The following PSMA3 variants were observed in gnomAD, a reference collection of about 807,000 sequenced individuals.
PSMA3 encodes the protein proteasome subunit alpha type-3.
Under a neutral mutation model 40.0 loss-of-function variants are expected in PSMA3, and 8 were observed. The ratio of observed to expected loss-of-function variants is 0.20; its 90% CI spans 0.12 to 0.36. The LOEUF is 0.36. Ranked by LOEUF, PSMA3 falls within the 10% of genes least tolerant of loss-of-function variation. The pLI is 1.00. For missense variants in PSMA3, 219 were observed against 310.6 expected, an observed-to-expected ratio of 0.70 and a Z score of 2.22; for synonymous variants, 110 against 100.0, an observed-to-expected ratio of 1.10 and a Z score of -0.59.
chr14:58,254,330 A>C (rs1275637554), intron 3 of PSMA3, among the ~76,000 whole-genome samples: 1 of 104,916 alleles, frequency 9.5e-6, no homozygotes, highest in Non-Finnish European at 1.9e-5. Context: ...AAAATTATGC[A>C]TGCATATATA....
Position 58,257,968 on chromosome 14 carries a change from T to C in PSMA3, c.374T>C (p.Leu125Pro), listed in dbSNP as rs747505469. 1 of 1,613,970 alleles carries C rather than the reference T, an allele frequency of 6.2e-7. No homozygotes were observed. Among genetic ancestry groups the C allele is most frequent in the Non-Finnish European group, 8.5e-7 (1 of 1,179,820 alleles). ...GCCATGTATGTGCATGCATATACACTCTACAGTGCTGTTAGACCTTTTGGC... is the reference window on the plus strand; with the variant it reads ...GCCATGTATGTGCATGCATATACACCCTACAGTGCTGTTAGACCTTTTGGC... ...RVAMYVHAYT[L>P]YSAVRPFGCS... is the part of the protein sequence containing the mutation. The change falls in exon 5 of 11, where the codon CTC (leucine) becomes CCC (proline). Residue 125 changes from leucine to proline, a missense_variant. By Grantham distance (98) the Leu-to-Pro change is moderately conservative (BLOSUM62 -3). Transcript: ENST00000216455.
intron 5 of PSMA3, among the ~76,000 whole-genome samples, chr14:58,260,497 A>G (rs1300986931): frequency 1.3e-5 from 2 of 152,240 alleles, no homozygotes; most frequent in Non-Finnish European, 2.9e-5. Flanking sequence ...AGCACAGAAA[A>G]ATACACTGAA....
At chr14:58,258,107 A>T (rs1477102985) in intron 5 of PSMA3, 109 bp downstream of exon 5, 1 of 826,584 alleles carries the variant, frequency 1.2e-6, no homozygotes, top group African/African-American at 1.7e-5. Flanking sequence ...CTCGTCGATA[A>T]GTATTAGGGC....
intron 5 of PSMA3, among the ~76,000 whole-genome samples, chr14:58,259,530 G>T (rs1294805718): frequency 6.6e-6 from 1 of 152,096 alleles, no homozygotes; most frequent in East Asian, 1.9e-4. Flanking sequence ...GGCCAGGCTG[G>T]TCTCAAACTC....
At chr14:58,247,615 C>T (rs1889909276) in intron 1 of PSMA3, 135 bp from the exon 2 acceptor site, 1 of 589,212 alleles carries the variant, frequency 1.7e-6, no homozygotes, top group African/African-American at 1.9e-5. Context: ...TGACAAGTTT[C>T]CCTTTCCTCT....
chr14:58,263,454 G>T, intron 6 of PSMA3: 1 of 325,182 alleles, frequency 3.1e-6, no homozygotes, highest in Non-Finnish European at 5.7e-6. Flanking sequence ...GTCTTAAAGT[G>T]TATATGATTA....
At chr14:58,245,326 A>C (rs940318061) in intron 1 of PSMA3, 1 of 234,978 alleles carries the variant, frequency 4.3e-6, no homozygotes, top group Admixed American at 4.9e-5. Context: ...GGGTCTGGAG[A>C]TCGTGCTTTT....
chr14:58,260,831 A>G, intron 5 of PSMA3, 117 bp from the exon 6 acceptor site: 1 of 627,594 alleles, frequency 1.6e-6, no homozygotes, highest in Non-Finnish European at 2.8e-6. Context: ...TTACTGAGTT[A>G]TATGTGTATT....
chr14:58,260,086 C>T (rs1046237029), intron 5 of PSMA3, among the ~76,000 whole-genome samples: 1 of 152,174 alleles, frequency 6.6e-6, no homozygotes, highest in Non-Finnish European at 1.5e-5. Flanking sequence ...TAAGATGCTG[C>T]TGATTTCTTT....
intron 7 of PSMA3, chr14:58,265,879 T>TAA (rs1405918593): frequency 5.3e-5 from 8 of 152,198 alleles, no homozygotes; most frequent in African/African-American, 2.4e-5. Flanking sequence ...CCTATCTAGT[T>TAA]AGACTTCAGT....
intron 3 of PSMA3, among the ~76,000 whole-genome samples, chr14:58,254,333 C>CATATATATATATATATATATAT (rs544540648): frequency 0.027 from 641 of 23,734 alleles, 171 homozygotes; most frequent in African/African-American, 0.077. Context: ...ATTATGCATG[C>CATATATATATATATATATATAT]ATATATATAT....
chr14:58,262,172 G>T (rs976418407), intron 6 of PSMA3, among the ~76,000 whole-genome samples: 32 of 151,356 alleles, frequency 2.1e-4, no homozygotes, highest in African/African-American at 7.5e-4. Context: ...CAGGTGGTCT[G>T]CCCACCCCGG....
chr14:58,247,860 T>C (rs774983783), intron 2 of PSMA3, 28 bp downstream of exon 2: 2 of 1,450,400 alleles, frequency 1.4e-6, no homozygotes, highest in African/African-American at 2.9e-5. Context: ...AGGTATTACA[T>C]GTCTCCTTTT....
intron 3 of PSMA3, among the ~76,000 whole-genome samples, chr14:58,254,340 A>ATATATATATATATATGTATG: frequency 0.011 from 373 of 34,786 alleles, 84 homozygotes; most frequent in Admixed American, 0.028. Flanking sequence ...ATGCATATAT[A>ATATATATATATATATGTATG]TATGTATGTA....
chr14:58,257,822 C>T lies in PSMA3; in HGVS notation c.306C>T (p.Asn102=). 6.2e-7 allele frequency: 1 copy of T among 1,613,472 alleles called. No homozygotes were observed. The highest frequency in any genetic ancestry group is 8.5e-7 in the Non-Finnish European group (1 of 1,179,520). ...AAGAAGCTTCCAACTTCAGATCTAACTTTGGCTACAACATTCCACTAAAAG... is the reference window on the plus strand; with the variant it reads ...AAGAAGCTTCCAACTTCAGATCTAATTTTGGCTACAACATTCCACTAAAAG... The part of the protein sequence containing the change: ...AREEASNFRS[N]FGYNIPLKHL... The change falls in exon 4 of 11, where the codon AAC becomes AAT. Residue 102 remains asparagine, a synonymous_variant. Coordinates refer to ENST00000216455, the MANE Select transcript of PSMA3 (RefSeq NM_002788.4).
At chr14:58,253,688 G>A (rs1890067078) in intron 3 of PSMA3, among the ~76,000 whole-genome samples, 1 of 152,126 alleles carries the variant, frequency 6.6e-6, no homozygotes, top group East Asian at 1.9e-4. Context: ...CTGCCTCCCG[G>A]GTTCAAGCAA....
chr14:58,253,087 C>T (rs919343984), intron 3 of PSMA3, among the ~76,000 whole-genome samples: 3 of 151,334 alleles, frequency 2.0e-5, no homozygotes, highest in Admixed American at 6.6e-5. Flanking sequence ...TGGGTTCAAG[C>T]GATTCTCCTA....
At chr14:58,248,221 A>AT (rs1446504206) in intron 2 of PSMA3, among the ~76,000 whole-genome samples, 3 of 152,018 alleles carry the variant, frequency 2.0e-5, no homozygotes, top group African/African-American at 7.2e-5. Flanking sequence ...TTCAGCAAAG[A>AT]TTTTTTCTAT....
At chr14:58,260,390 A>G (rs1034114036) in intron 5 of PSMA3, among the ~76,000 whole-genome samples, 1 of 152,240 alleles carries the variant, frequency 6.6e-6, no homozygotes, top group African/African-American at 2.4e-5. Context: ...GGTTTGTTGA[A>G]TCCACAGATG....
Sources: allele counts gnomAD v4.1 joint callset (sites outside exome capture counted in the v4.1 genomes callset), GRCh38; gene constraint gnomAD v4.1.1; transcripts MANE v1.5; gene names NCBI Gene and HGNC (gene_info 2026-07-23, HGNC 2026-07-21).